Variants in AUTS2 observed in about 807,000 individuals in gnomAD.
AUTS2 encodes the protein activator of transcription and developmental regulator AUTS2, also known as autism susceptibility gene 2 protein.
Under a neutral mutation model 112.4 loss-of-function variants are expected in AUTS2, and 17 were observed. That is an observed-to-expected ratio of 0.15 (90% confidence interval 0.10 to 0.23). The LOEUF is 0.23. Among genes scored for constraint, AUTS2 ranks in the 10% least tolerant of loss-of-function variants. The pLI, the probability that AUTS2 is intolerant of heterozygous loss-of-function variation, is 1.00. For missense variants in AUTS2, 1,510 were observed against 1,701.6 expected (o/e 0.89, Z 1.98); for synonymous variants, 751 against 702.7 (o/e 1.07, Z -1.09).
At chr7:69,762,082 C>T (rs1000900074) in intron 1 of AUTS2, among the ~76,000 whole-genome samples, 6 of 151,958 alleles carry the variant, frequency 3.9e-5, no homozygotes, top group African/African-American at 7.3e-5. Context: ...TTGAGAGGAC[C>T]CAAGCTTCAG....
chr7:70,214,702 G>T (rs1811085341), intron 4 of AUTS2, among the ~76,000 whole-genome samples: 1 of 152,146 alleles, frequency 6.6e-6, no homozygotes, highest in African/African-American at 2.4e-5. Flanking sequence ...GGTTTTCTCA[G>T]ACATGCTCTG....
chr7:70,271,493 T>TA (rs1440686769), intron 4 of AUTS2, among the ~76,000 whole-genome samples: 1 of 152,162 alleles, frequency 6.6e-6, no homozygotes, highest in Non-Finnish European at 1.5e-5. Context: ...CGGAAATTGA[T>TA]AAAAATACCA....
intron 1 of AUTS2, among the ~76,000 whole-genome samples, chr7:69,694,202 T>G (rs750263161): frequency 9.9e-4 from 150 of 152,202 alleles, no homozygotes; most frequent in Non-Finnish European, 1.7e-3. Flanking sequence ...GTTTTGAAAT[T>G]TGAGTATTCA....
chr7:70,446,137 A>G (rs1796308334), intron 5 of AUTS2, among the ~76,000 whole-genome samples: 1 of 152,206 alleles, frequency 6.6e-6, no homozygotes, highest in African/African-American at 2.4e-5. Context: ...GTCCATCCCC[A>G]GACACTGATT....
At chr7:70,352,329 T>C (rs138589061) in intron 4 of AUTS2, among the ~76,000 whole-genome samples, 1 of 152,364 alleles carries the variant, frequency 6.6e-6, no homozygotes, top group African/African-American at 2.4e-5. Flanking sequence ...GAGTCCTGCA[T>C]TGATCACATG....
intron 6 of AUTS2, among the ~76,000 whole-genome samples, chr7:70,729,852 TTGTATGTATGTATGTATGTATGTA>T (rs56233310): frequency 4.7e-5 from 7 of 148,750 alleles, no homozygotes; most frequent in Non-Finnish European, 7.4e-5. Context: ...TGTTTGCCCA[TTGTATGTATGTATGTATGTATGTA>T]TGTATGTATG....
intron 4 of AUTS2, among the ~76,000 whole-genome samples, chr7:70,183,134 C>T (rs1809407906): frequency 6.6e-6 from 1 of 152,136 alleles, no homozygotes; most frequent in Non-Finnish European, 1.5e-5. Flanking sequence ...TATAATATTT[C>T]ATATTTCTCT....
chr7:69,823,639 G>C (rs945671819), intron 1 of AUTS2, among the ~76,000 whole-genome samples: 6 of 152,084 alleles, frequency 3.9e-5, no homozygotes, highest in Non-Finnish European at 8.8e-5. Context: ...TGCCGGGCCT[G>C]CTAATCAACA....
intron 5 of AUTS2, among the ~76,000 whole-genome samples, chr7:70,494,343 A>G (rs1198179121): frequency 6.6e-6 from 1 of 152,134 alleles, no homozygotes; most frequent in Non-Finnish European, 1.5e-5. Context: ...ACAGAGTTTT[A>G]TGTCTTTTTA....
intron 1 of AUTS2, among the ~76,000 whole-genome samples, chr7:69,760,734 T>A (rs6962237): frequency 0.076 from 11,576 of 152,152 alleles, 596 homozygotes; most frequent in African/African-American, 0.14. Context: ...GGCAGGAGAA[T>A]GCTTGAACTT....
intron 14 of AUTS2, 158 bp from the exon 15 acceptor site, chr7:70,781,457 T>G (rs1791073828): frequency 2.5e-6 from 2 of 805,020 alleles, no homozygotes; most frequent in African/African-American, 1.8e-5. Context: ...GATCTGACAT[T>G]TGAGGGTGAA....
intron 1 of AUTS2, among the ~76,000 whole-genome samples, chr7:69,732,347 C>T (rs1584152666): frequency 6.6e-6 from 1 of 151,682 alleles, no homozygotes; most frequent in East Asian, 1.9e-4. Flanking sequence ...ATGATTTAAC[C>T]CTACATGAGG....
At chr7:70,454,332 C>G (rs556689590) in intron 5 of AUTS2, among the ~76,000 whole-genome samples, 1 of 151,974 alleles carries the variant, frequency 6.6e-6, no homozygotes, top group Non-Finnish European at 1.5e-5. Flanking sequence ...GTCAGGAGTT[C>G]GAGACCAGCC....
chr7:70,018,928 T>A (rs1800151123), intron 2 of AUTS2, among the ~76,000 whole-genome samples: 2 of 152,178 alleles, frequency 1.3e-5, no homozygotes, highest in Non-Finnish European at 1.5e-5. Context: ...CCCAAAGGAA[T>A]ATAAATTGTT....
intron 1 of AUTS2, among the ~76,000 whole-genome samples, chr7:69,880,112 A>G (rs1440596011): frequency 6.6e-6 from 1 of 152,184 alleles, no homozygotes; most frequent in Non-Finnish European, 1.5e-5. Context: ...ATCTTCATTC[A>G]TGGTGGAAGG....
chr7:69,662,170 T>C (rs1795830856), intron 1 of AUTS2, among the ~76,000 whole-genome samples: 1 of 152,004 alleles, frequency 6.6e-6, no homozygotes, highest in African/African-American at 2.4e-5. Context: ...ATCATAGGTA[T>C]TCAGAGCTTT....
intron 4 of AUTS2, among the ~76,000 whole-genome samples, chr7:70,378,643 G>A (rs1307836989): frequency 1.3e-5 from 2 of 152,220 alleles, no homozygotes; most frequent in East Asian, 3.8e-4. Context: ...CAGAGACCAT[G>A]TTTGTAGATA....
intron 2 of AUTS2, among the ~76,000 whole-genome samples, chr7:69,941,085 C>T (rs182279781): frequency 2.2e-4 from 33 of 152,292 alleles, no homozygotes; most frequent in Non-Finnish European, 4.1e-4. Flanking sequence ...AGCATGTACA[C>T]ACGCACACAC....
At chr7:70,243,827 T>G (rs1480289258) in intron 4 of AUTS2, among the ~76,000 whole-genome samples, 1 of 152,130 alleles carries the variant, frequency 6.6e-6, no homozygotes, top group Non-Finnish European at 1.5e-5. Context: ...GTAAAGAAGC[T>G]TATTGATGTG....
Sources: gnomAD v4.1 joint callset for allele counts (sites outside exome capture counted in the v4.1 genomes callset) on GRCh38, gnomAD v4.1.1 for gene constraint, MANE v1.5 for transcripts, NCBI Gene and HGNC (gene_info 2026-07-23, HGNC 2026-07-21) for gene names.